CCDC178: variants seen among roughly 807,000 people sequenced by gnomAD.
The protein encoded by CCDC178 is coiled-coil domain containing 178.
A neutral mutation model predicts 117.4 loss-of-function variants in CCDC178; 126 were observed. That is an observed-to-expected ratio of 1.07 (90% CI 0.93 to 1.24). The LOEUF (loss-of-function observed/expected upper bound fraction) is 1.24. Among genes scored for constraint, CCDC178 ranks in the 50% most tolerant of loss-of-function variants. The pLI is 0.00. For synonymous variants in CCDC178, 283 were observed against 313.4 expected, an observed-to-expected ratio of 0.90 and a Z score of 1.02; for missense variants, 1,030 against 986.9, an observed-to-expected ratio of 1.04 and a Z score of -0.59.
chr18:33,369,111 A>G (rs990762620), intron 6 of CCDC178, among the ~76,000 whole-genome samples: 1 of 151,974 alleles, frequency 6.6e-6, no homozygotes, highest in Non-Finnish European at 1.5e-5. Flanking sequence ...CTGAAGGGGT[A>G]ATCTGATTTG....
chr18:33,396,769 T>C (rs2063642951), intron 4 of CCDC178, among the ~76,000 whole-genome samples: 1 of 152,146 alleles, frequency 6.6e-6, no homozygotes, highest in Admixed American at 6.6e-5. Context: ...AGGTAGTGGA[T>C]GGCATAAAGA....
At chr18:33,432,036 T>C (rs573077287) in intron 2 of CCDC178, among the ~76,000 whole-genome samples, 5 of 152,280 alleles carry the variant, frequency 3.3e-5, no homozygotes, top group African/African-American at 1.2e-4. Context: ...CACTGCAGGC[T>C]GCATCACAGG....
At chr18:33,121,530 T>C (rs567750160) in intron 20 of CCDC178, among the ~76,000 whole-genome samples, 4 of 152,280 alleles carry the variant, frequency 2.6e-5, no homozygotes, top group Non-Finnish European at 5.9e-5. Flanking sequence ...ATTCTACTAA[T>C]TCTGCTTCTT....
At chr18:33,077,458 A>G (rs1038262540) in intron 21 of CCDC178, among the ~76,000 whole-genome samples, 3 of 152,206 alleles carry the variant, frequency 2.0e-5, no homozygotes, top group Non-Finnish European at 2.9e-5. Flanking sequence ...CCCTAATCCA[A>G]TATGACTGAT....
At chr18:33,084,287 T>A (rs1369105549) in intron 21 of CCDC178, among the ~76,000 whole-genome samples, 1 of 152,226 alleles carries the variant, frequency 6.6e-6, no homozygotes, top group Admixed American at 6.5e-5. Flanking sequence ...GGAAGTGCTT[T>A]AAAATTATAA....
At position 33,348,895 on chromosome 18, in the gene CCDC178, T is replaced by C; in HGVS notation, c.452A>G (p.Lys151Arg). 6.2e-7 allele frequency: 1 copy of C among 1,606,510 alleles called. No individual in the cohort carries two copies. The highest frequency in any genetic ancestry group is 8.5e-7 in the Non-Finnish European group (1 of 1,174,516). Residue 151 changes from lysine (K) to arginine (R), a missense_variant, in exon 8 of 23, where the codon AAG (lysine) becomes AGG (arginine). Coordinates refer to ENST00000383096, the MANE Select transcript of CCDC178 (RefSeq NM_001105528.4). Reference sequence around the variant, plus strand: ...AGTAGGAGGAACAACTTTACCTCTCTTTTCTCCTGGTTTGACCTCTTTCAC... The same window carrying C: ...AGTAGGAGGAACAACTTTACCTCTCCTTTCTCCTGGTTTGACCTCTTTCAC... ...TPVKEVKPGE[K>R]RDEKCPELKQ...
intron 5 of CCDC178, among the ~76,000 whole-genome samples, chr18:33,383,588 C>T (rs888280408): frequency 8.6e-5 from 13 of 152,046 alleles, no homozygotes; most frequent in African/African-American, 2.9e-4. Context: ...CTGGAGTGGA[C>T]ACCTAGCAAA....
chr18:33,359,120 G>A lies in CCDC178; in HGVS notation c.349-2774C>T, dbSNP rs560212975. Among the ~76,000 whole-genome samples, 667 of 151,838 alleles carry A rather than the reference G, an allele frequency of 4.4e-3. 3 individuals carry two copies. Among genetic ancestry groups the A allele is most frequent in the Non-Finnish European group, 5.0e-3 (339 of 67,758 alleles). ...AGTTGAAGTATCACAAGAGAGTCAG[G>A]GGAAAATTGGTTAAGAGGCACTTCA... is the stretch of plus-strand genomic sequence containing the variant. On this transcript the variant is annotated intron_variant, in intron 6 of 22. Transcript: ENST00000383096.
At chr18:33,276,166 A>T (rs1332733175) in intron 12 of CCDC178, among the ~76,000 whole-genome samples, 4 of 152,142 alleles carry the variant, frequency 2.6e-5, no homozygotes, top group African/African-American at 9.6e-5. Context: ...TGTCTACTAA[A>T]GCTGAACATG....
chr18:33,361,829 G>T (rs1039627777), intron 6 of CCDC178, among the ~76,000 whole-genome samples: 6 of 151,736 alleles, frequency 4.0e-5, no homozygotes, highest in African/African-American at 1.4e-4. Flanking sequence ...TGGAGAAAAG[G>T]GAGCCCTAGT....
chr18:33,427,578 T>C (rs2064140138), intron 2 of CCDC178, among the ~76,000 whole-genome samples: 1 of 152,184 alleles, frequency 6.6e-6, no homozygotes, highest in African/African-American at 2.4e-5. Context: ...ATTATGTCTG[T>C]ATTACATCCA....
intron 10 of CCDC178, among the ~76,000 whole-genome samples, chr18:33,325,932 C>T (rs1335893834): frequency 2.0e-5 from 3 of 152,166 alleles, no homozygotes; most frequent in Non-Finnish European, 4.4e-5. Context: ...TCACCCTTTT[C>T]TAGTTCCAAA....
intron 3 of CCDC178, among the ~76,000 whole-genome samples, chr18:33,401,880 T>C (rs1405089696): frequency 6.6e-6 from 1 of 152,062 alleles, no homozygotes; most frequent in African/African-American, 2.4e-5. Flanking sequence ...GATTAAATAA[T>C]TAAATGAACA....
intron 3 of CCDC178, among the ~76,000 whole-genome samples, chr18:33,399,792 G>A (rs2063686070): frequency 6.6e-6 from 1 of 152,258 alleles, no homozygotes; most frequent in Admixed American, 6.5e-5. Context: ...CCAAATTCCT[G>A]TTAATGGTAT....
intron 18 of CCDC178, among the ~76,000 whole-genome samples, chr18:33,217,433 C>T (rs954359798): frequency 5.7e-4 from 86 of 151,826 alleles, no homozygotes; most frequent in African/African-American, 1.8e-3. Flanking sequence ...GTATTTAATT[C>T]ACTGTGTATA....
At chr18:32,977,216 C>G (rs368859008) in intron 21 of CCDC178, among the ~76,000 whole-genome samples, 15 of 152,222 alleles carry the variant, frequency 9.9e-5, no homozygotes, top group East Asian at 7.7e-4. Context: ...TCAATTCCGT[C>G]TAACTTAAAG....
chr18:33,281,491 G>A (rs1250844094), intron 12 of CCDC178, among the ~76,000 whole-genome samples: 2 of 151,964 alleles, frequency 1.3e-5, no homozygotes, highest in African/African-American at 4.8e-5. Flanking sequence ...AGGAAACAAT[G>A]CCAATACCAA....
In CCDC178 at chr18:33,347,011, A is replaced by G. The variant is rs147356919; in HGVS notation, c.458-600T>C. 5.3e-4 allele frequency among the ~76,000 whole-genome samples: 80 copies of G among 152,264 alleles called. 2 individuals are homozygous for G. In the East Asian group the frequency reaches 0.014, roughly 27 times the overall value. ...TCTGGAATGATGCGGCTTAATGTTA[A>G]CAAAATTATTACCATGGGTACTCAT... On this transcript the variant is annotated intron_variant, in intron 8 of 22. Coordinates refer to ENST00000383096, the MANE Select transcript of CCDC178 (RefSeq NM_001105528.4).
At chr18:33,179,070 AAAAAAAAAAT>A (rs1357630960) in intron 20 of CCDC178, among the ~76,000 whole-genome samples, 2 of 91,970 alleles carry the variant, frequency 2.2e-5, no homozygotes, top group Non-Finnish European at 3.9e-5. Flanking sequence ...AAAAAAAAAA[AAAAAAAAAAT>A]ATATATATAT....
Sources: allele counts gnomAD v4.1 joint callset (sites outside exome capture counted in the v4.1 genomes callset), GRCh38; gene constraint gnomAD v4.1.1; transcripts MANE v1.5; gene names NCBI Gene and HGNC (gene_info 2026-07-23, HGNC 2026-07-21).